Variants in CDK6 observed in about 807,000 individuals in gnomAD.
The protein encoded by CDK6 is cyclin dependent kinase 6.
In CDK6, 6 loss-of-function variants were observed where a neutral mutation model predicts 37.1. That is an observed-to-expected ratio of 0.16 (90% CI 0.09 to 0.32). The LOEUF is 0.32. CDK6 is among the 10% of genes least tolerant of loss of function. The pLI is 1.00. For missense variants in CDK6, 224 were observed against 418.9 expected (o/e 0.53, Z 4.06); for synonymous variants, 160 against 161.3 (o/e 0.99, Z 0.06).
At chr7:92,636,023 TA>T (rs904584317) in intron 5 of CDK6, among the ~76,000 whole-genome samples, 6 of 152,022 alleles carry the variant, frequency 3.9e-5, no homozygotes, top group South Asian at 2.1e-4. Context: ...GTAGCACATT[TA>T]AAAAAAAGTT....
intron 5 of CDK6, among the ~76,000 whole-genome samples, chr7:92,666,040 A>G (rs775742561): frequency 8.5e-5 from 13 of 152,260 alleles, no homozygotes; most frequent in Non-Finnish European, 1.9e-4. Flanking sequence ...GGCCTGTCAC[A>G]TGACAAATGG....
At chr7:92,775,056 T>C (rs1351634207) in intron 2 of CDK6, among the ~76,000 whole-genome samples, 1 of 152,218 alleles carries the variant, frequency 6.6e-6, no homozygotes, top group Admixed American at 6.5e-5. Flanking sequence ...TGAGAACATC[T>C]ATAGTAACAA....
At chr7:92,743,160 G>C (rs997731774) in intron 3 of CDK6, among the ~76,000 whole-genome samples, 3 of 151,826 alleles carry the variant, frequency 2.0e-5, no homozygotes. Context: ...AAGAACTCCT[G>C]CTACTTTGAG....
chr7:92,710,667 T>C (rs1472899866), intron 4 of CDK6: 2 of 979,316 alleles, frequency 2.0e-6, no homozygotes, highest in Non-Finnish European at 2.4e-6. Context: ...TTACCAGTAA[T>C]GAAGTTAAAC....
intron 3 of CDK6, among the ~76,000 whole-genome samples, chr7:92,770,973 ATGCCTGTAATCCCAGCACTTTGGGAGG>A (rs1799700058): frequency 6.6e-6 from 1 of 152,102 alleles, no homozygotes; most frequent in Non-Finnish European, 1.5e-5. Flanking sequence ...ATGGTAGCTC[ATGCCTGTAATCCCAGCACTTTGGGAGG>A]CCAAGAGGTG....
intron 3 of CDK6, among the ~76,000 whole-genome samples, chr7:92,735,752 T>C (rs1338567916): frequency 6.6e-6 from 1 of 152,200 alleles, no homozygotes; most frequent in East Asian, 1.9e-4. Context: ...AGATGAATTA[T>C]AGTGACCTTT....
At position 92,711,552 on chromosome 7, in the gene CDK6, A is replaced by ATTT. The variant is rs11285626; in HGVS notation, c.537+14071_537+14073dup. Among the ~76,000 whole-genome samples the ATTT allele has an allele frequency of 5.5e-3, 311 of 56,628 alleles. 22 individuals carry two copies. The highest frequency in any genetic ancestry group is 0.027 in the East Asian group (35 of 1,308). 37.2% of individuals were successfully genotyped at this position (56,628 alleles called of 152,430 possible). ...TTTTTTACCTACCTGGAATGGTCAA[A>ATTT]TTTTTTTTTTTTTTTTTTTTTTTTT... is the stretch of plus-strand genomic sequence containing the variant. On this transcript the variant is annotated intron_variant, in intron 4 of 7. Transcript: ENST00000424848.
At chr7:92,644,020 C>T (rs559717565) in intron 5 of CDK6, among the ~76,000 whole-genome samples, 3 of 152,298 alleles carry the variant, frequency 2.0e-5, no homozygotes, top group Non-Finnish European at 2.9e-5. Context: ...TTGCTGTTCA[C>T]GTGGACCCTT....
Position 92,833,556 on chromosome 7 carries a change from C to T in CDK6, c.-233G>A, listed in dbSNP as rs1412655149. ...TGGTGCCGCCGCCGCGAAACTCCGC[C>T]TGCAGAGTCGCCGCCGCCGCCGCCG... On this transcript the variant is annotated 5_prime_UTR_variant, in exon 2 of 8. Coordinates refer to ENST00000424848, the MANE Select transcript of CDK6 (RefSeq NM_001145306.2). This position sits in a 1 kb window ranked among gnomAD's most constrained non-coding sequence, Gnocchi z 6.1. The T allele has an allele frequency of 1.6e-5, 9 of 546,530 alleles. No homozygotes were observed. The highest frequency in any genetic ancestry group is 4.1e-5 in the African/African-American group (2 of 49,376). 33.9% of individuals were successfully genotyped at this position (546,530 alleles called of 1,614,324 possible). A position where few individuals can be genotyped will look rare whatever the true frequency, so the allele number is the denominator to read the frequency against.
In CDK6 at chr7:92,613,101, C is replaced by T. The variant is rs1795598321; in HGVS notation, c.*2039G>A. 1 of 232,958 alleles carries T rather than the reference C, an allele frequency of 4.3e-6. No individual in the cohort carries two copies. The highest frequency in any genetic ancestry group is 8.5e-6 in the Non-Finnish European group (1 of 117,992). The allele number at this position is 232,958 out of a possible 1,614,324, so 14.4% of individuals were successfully genotyped here. On this transcript the variant is annotated 3_prime_UTR_variant, in exon 8 of 8. Transcript: ENST00000424848. ...ATGGCCCATCTCCTTTATTATCTTG[C>T]TCTAGAAAACAATGTTCCTGTTCCT... is the stretch of plus-strand genomic sequence containing the variant.
chr7:92,683,008 GAAGTA>G (rs1284217529), intron 4 of CDK6, among the ~76,000 whole-genome samples: 1 of 152,124 alleles, frequency 6.6e-6, no homozygotes, highest in Non-Finnish European at 1.5e-5. Flanking sequence ...TCTCTTTGTA[GAAGTA>G]CAGTATAGTA....
chr7:92,718,086 T>C (rs1262280041), intron 4 of CDK6, among the ~76,000 whole-genome samples: 5 of 152,220 alleles, frequency 3.3e-5, no homozygotes, highest in Non-Finnish European at 7.3e-5. Context: ...TTCCCAGCTC[T>C]GTGCACTGCC....
chr7:92,754,190 TG>T (rs1799256854), intron 3 of CDK6, among the ~76,000 whole-genome samples: 1 of 152,192 alleles, frequency 6.6e-6, no homozygotes, highest in Non-Finnish European at 1.5e-5. Context: ...ATATTTTAAA[TG>T]GTGCCAGCAT....
At chr7:92,696,064 C>T (rs1308982799) in intron 4 of CDK6, among the ~76,000 whole-genome samples, 1 of 152,128 alleles carries the variant, frequency 6.6e-6, no homozygotes, top group Non-Finnish European at 1.5e-5. Flanking sequence ...CTCTGTTGTA[C>T]AAAGTGAAAG....
At chr7:92,655,950 C>G (rs563179055) in intron 5 of CDK6, among the ~76,000 whole-genome samples, 2 of 152,326 alleles carry the variant, frequency 1.3e-5, no homozygotes, top group East Asian at 3.9e-4. Flanking sequence ...CATTCTAATA[C>G]CTGTAAATTT....
intron 4 of CDK6, chr7:92,710,947 G>A: frequency 6.1e-6 from 5 of 815,186 alleles, no homozygotes; most frequent in Non-Finnish European, 7.4e-6. Context: ...AGAGCAGAAA[G>A]CGCCAGCAAA....
intron 2 of CDK6, among the ~76,000 whole-genome samples, chr7:92,789,298 G>C (rs1800223358): frequency 6.6e-6 from 1 of 152,188 alleles, no homozygotes; most frequent in Non-Finnish European, 1.5e-5. Context: ...GCTAAAGGGA[G>C]TCCTTCAGGC....
At position 92,612,690 on chromosome 7, in the gene CDK6, T is replaced by A. The variant is rs567353004; in HGVS notation, c.*2450A>T. ...CTAGAAATGAGTCAAAAGCAGATGC[T>A]AGGAATAAAAGTTGAGCTCTCTACT... On this transcript the variant is annotated 3_prime_UTR_variant, in exon 8 of 8. Coordinates refer to ENST00000424848, the MANE Select transcript of CDK6 (RefSeq NM_001145306.2). 4.3e-6 allele frequency: 1 copy of A among 233,176 alleles called. No individual in the cohort carries two copies. The highest frequency in any genetic ancestry group is 1.8e-4 in the South Asian group (1 of 5,524). The allele number at this position is 233,176 out of a possible 1,614,324, so 14.4% of individuals were successfully genotyped here.
intron 4 of CDK6, among the ~76,000 whole-genome samples, chr7:92,694,863 T>C (rs1464251507): frequency 6.6e-6 from 1 of 152,130 alleles, no homozygotes; most frequent in Non-Finnish European, 1.5e-5. Flanking sequence ...AGGAATGACA[T>C]GGGATATAAT....
Sources: allele counts gnomAD v4.1 joint callset (sites outside exome capture counted in the v4.1 genomes callset), GRCh38; gene constraint gnomAD v4.1.1; non-coding constraint Gnocchi (gnomAD v3.1); transcripts MANE v1.5; gene names NCBI Gene and HGNC (gene_info 2026-07-23, HGNC 2026-07-21).